ANKRD28: variants seen among roughly 807,000 people sequenced by gnomAD.
ANKRD28 encodes the protein ankyrin repeat domain 28, also known as serine/threonine-protein phosphatase 6 regulatory ankyrin repeat subunit A.
In ANKRD28, 44 loss-of-function variants were observed where a neutral mutation model predicts 126.5. The ratio of observed to expected loss-of-function variants is 0.35; its 90% CI spans 0.27 to 0.45. ANKRD28 has a LOEUF of 0.45. Ranked by LOEUF, ANKRD28 falls within the 20% of genes least tolerant of loss-of-function variation. The pLI is 1.00. For missense variants in ANKRD28, 1,110 were observed against 1,316.6 expected (o/e 0.84, Z 2.43); for synonymous variants, 442 against 468.5 (o/e 0.94, Z 0.73).
At chr3:15,711,082 T>TC (rs1278504487) in intron 12 of ANKRD28, 129 bp downstream of exon 12, 28 of 761,498 alleles carry the variant, frequency 3.7e-5, no homozygotes, top group African/African-American at 1.8e-4. Flanking sequence ...GACTTTTTTT[T>TC]CCCAAACAAC....
chr3:15,672,062 T>C (rs1031632979), intron 27 of ANKRD28, among the ~76,000 whole-genome samples: 8 of 152,330 alleles, frequency 5.3e-5, no homozygotes, highest in East Asian at 1.9e-4. Context: ...GGTTTAGTTA[T>C]ACATTTCAAC....
chr3:15,670,406 G>A lies in ANKRD28; in HGVS notation c.3116C>T (p.Thr1039Ile). ...GATGGGCAAAGCTTCAAAGCTGACTGTTTTTGAGGTGTTGGTATAACGGTT... is the reference window on the plus strand; with the variant it reads ...GATGGGCAAAGCTTCAAAGCTGACTATTTTTGAGGTGTTGGTATAACGGTT... ...AINRYTNTSKTVSFEALPIMR... is the reference protein window; with the variant it reads ...AINRYTNTSKIVSFEALPIMR... The change falls in exon 28 of 28, where the codon ACA becomes ATA. Residue 1039 changes from threonine (T) to isoleucine (I), a missense_variant. By Grantham distance (89) the Thr-to-Ile change is moderately conservative. Transcript: ENST00000683139. 1 of 1,613,940 alleles carries A rather than the reference G, an allele frequency of 6.2e-7. No homozygotes were observed. Among genetic ancestry groups the A allele is most frequent in the South Asian group, 1.1e-5 (1 of 91,080 alleles).
At chr3:15,832,502 G>A (rs957014923) in intron 1 of ANKRD28, among the ~76,000 whole-genome samples, 2 of 152,164 alleles carry the variant, frequency 1.3e-5, no homozygotes, top group Non-Finnish European at 2.9e-5. Flanking sequence ...GGGATACACT[G>A]CAGATTTCTT....
Position 15,672,146 on chromosome 3 carries a change from A to ATT in ANKRD28, c.2966-1592_2966-1591dup, listed in dbSNP as rs869087310. On this transcript the variant is annotated intron_variant, in intron 27 of 27. Transcript: ENST00000683139. ...CTATATTGGCCTTGATAAAAAAAGGATTTTTTTTTTTTTTTTTGAGACAGG... is the reference window on the plus strand; with the variant it reads ...CTATATTGGCCTTGATAAAAAAAGGATTTTTTTTTTTTTTTTTTTGAGACAGG... Among the ~76,000 whole-genome samples, 150 of 136,570 alleles carry ATT rather than the reference A, an allele frequency of 1.1e-3. 1 individual carries two copies. In the East Asian group the frequency reaches 0.025, roughly 22 times the overall value. The allele number at this position is 136,570 out of a possible 152,430, so 89.6% of individuals were successfully genotyped here. A position where few individuals can be genotyped will look rare whatever the true frequency, so the allele number is the denominator to read the frequency against.
At chr3:15,674,174 C>CAAAAAAAAAAAAAAAAA (rs34806568) in intron 27 of ANKRD28, among the ~76,000 whole-genome samples, 6 of 40,282 alleles carry the variant, frequency 1.5e-4, no homozygotes, top group Non-Finnish European at 2.1e-4. Context: ...CCTGCCTCTT[C>CAAAAAAAAAAAAAAAAA]AAAAAAAAAA....
Position 15,667,842 on chromosome 3 carries a change from T to C in ANKRD28, c.*2428A>G, listed in dbSNP as rs2066060807. The C allele has an allele frequency of 6.6e-6, 1 of 152,262 alleles. No homozygotes were observed. The highest frequency in any genetic ancestry group is 1.5e-5 in the Non-Finnish European group (1 of 68,044). The allele number at this position is 152,262 out of a possible 1,614,324, so 9.4% of individuals were successfully genotyped here. On this transcript the variant is annotated 3_prime_UTR_variant, in exon 28 of 28. Transcript: ENST00000683139. ...TATAAGTGATGCAGGATAGAAGTTC[T>C]GGTGTATGTGATAAATTAAAAACAG...
intron 4 of ANKRD28, among the ~76,000 whole-genome samples, chr3:15,742,070 G>A (rs1288061970): frequency 6.6e-5 from 10 of 152,262 alleles, no homozygotes; most frequent in South Asian, 4.1e-4. Flanking sequence ...GTGCAGTGGC[G>A]TGATCTCGGC....
intron 1 of ANKRD28, among the ~76,000 whole-genome samples, chr3:15,832,867 C>T (rs142538349): frequency 1.8e-4 from 27 of 152,298 alleles, no homozygotes; most frequent in Non-Finnish European, 2.2e-4. Context: ...GTATATGCTA[C>T]GGTGAATAGC....
In ANKRD28 at chr3:15,685,995, T is replaced by C; in HGVS notation, c.2169+7A>G. On this transcript the variant is annotated splice_region_variant and intron_variant, in intron 20 of 27. Transcript: ENST00000683139. ...TTTTTGAAAGGAAAGAGCATATTTC[T>C]GCTTACCCCTCTATGCAACGCTGTC... 8 of 1,609,558 alleles carry C rather than the reference T, an allele frequency of 5.0e-6. No homozygotes were observed. Among genetic ancestry groups the C allele is most frequent in the Non-Finnish European group, 6.8e-6 (8 of 1,177,036 alleles).
intron 1 of ANKRD28, among the ~76,000 whole-genome samples, chr3:15,835,157 AAAAAAG>A (rs1419381491): frequency 6.6e-6 from 1 of 152,208 alleles, no homozygotes; most frequent in East Asian, 1.9e-4. Flanking sequence ...CAAAAAAAAG[AAAAAAG>A]AAAAAGAAAG....
chr3:15,758,399 T>A (rs998378623), intron 3 of ANKRD28, among the ~76,000 whole-genome samples: 1 of 152,182 alleles, frequency 6.6e-6, no homozygotes, highest in Non-Finnish European at 1.5e-5. Context: ...CTGCACTGTA[T>A]CTTTTAAGAG....
At chr3:15,798,129 CATTTTCCACT>C (rs1393880577), upstream of ANKRD28, 1 of 985,262 alleles carries the variant, frequency 1.0e-6, no homozygotes, top group East Asian at 1.1e-4. Flanking sequence ...GCGCTTTTAA[CATTTTCCACT>C]AAAAGCCACA....
In ANKRD28 at chr3:15,670,244, G is replaced by T. The variant is rs750337322; in HGVS notation, c.*26C>A. 6.2e-7 allele frequency: 1 copy of T among 1,604,758 alleles called. No homozygotes were observed. Among genetic ancestry groups the T allele is most frequent in the African/African-American group, 1.3e-5 (1 of 74,674 alleles). ...AAAAAGCACAGTTTGAAGCTTTACT[G>T]TGAGAACTCCCTCCTCCTCAGCCTC... is the stretch of plus-strand genomic sequence containing the variant. On this transcript the variant is annotated 3_prime_UTR_variant, in exon 28 of 28. Transcript: ENST00000683139.
chr3:15,712,357 GGTTA>G lies in ANKRD28; in HGVS notation c.1191-139_1191-136del, dbSNP rs1487098129. On this transcript the variant is annotated intron_variant, in intron 10 of 27. Transcript: ENST00000683139. ...TGTCTAACACTTCGGAGAGTAATTT[GGTTA>G]AAGTTTGATGGTGGGCATAACTTAT... The G allele has an allele frequency of 3.2e-5, 24 of 743,208 alleles. No individual in the cohort carries two copies. In the African/African-American group the frequency reaches 3.5e-4, roughly 11 times the overall value. The allele number at this position is 743,208 out of a possible 1,614,324, so 46.0% of individuals were successfully genotyped here. A position where few individuals can be genotyped will look rare whatever the true frequency, so the allele number is the denominator to read the frequency against.
chr3:15,711,383 T>A (rs2072255261), intron 11 of ANKRD28, 109 bp from the exon 12 acceptor site: 1 of 863,994 alleles, frequency 1.2e-6, no homozygotes, highest in Admixed American at 2.2e-5. Flanking sequence ...CAAACAAAAC[T>A]ATGGGTTCTT....
chr3:15,674,290 A>G (rs536367387), intron 27 of ANKRD28, among the ~76,000 whole-genome samples: 1 of 151,876 alleles, frequency 6.6e-6, no homozygotes, highest in Admixed American at 6.6e-5. Context: ...AAGTGGGCAT[A>G]CTTTAGATCT....
intron 1 of ANKRD28, among the ~76,000 whole-genome samples, chr3:15,858,425 A>C (rs2061821055): frequency 6.6e-6 from 1 of 152,234 alleles, no homozygotes; most frequent in African/African-American, 2.4e-5. Flanking sequence ...TTAAGGTGCA[A>C]TCTTTATTAA....
intron 1 of ANKRD28, among the ~76,000 whole-genome samples, chr3:15,803,518 G>A (rs1282027915): frequency 6.6e-6 from 1 of 151,632 alleles, no homozygotes; most frequent in Non-Finnish European, 1.5e-5. Flanking sequence ...TCAAGAGGCT[G>A]AGGCAGGAGA....
At chr3:15,701,052 C>T (rs967358607) in intron 14 of ANKRD28, among the ~76,000 whole-genome samples, 1 of 152,114 alleles carries the variant, frequency 6.6e-6, no homozygotes. Flanking sequence ...TAATCAAATA[C>T]TCCTTATTAA....
Sources: allele counts gnomAD v4.1 joint callset (sites outside exome capture counted in the v4.1 genomes callset), GRCh38; gene constraint gnomAD v4.1.1; transcripts MANE v1.5; gene names NCBI Gene and HGNC (gene_info 2026-07-23, HGNC 2026-07-21).